Variants in DOCK8 observed in about 807,000 individuals in gnomAD.
DOCK8 encodes the protein dedicator of cytokinesis protein 8.
DOCK8 carries 141 observed loss-of-function variants against 245.6 expected under a neutral mutation model. The ratio of observed to expected loss-of-function variants is 0.57; its 90% confidence interval spans 0.50 to 0.66. DOCK8 has a LOEUF of 0.66. Ranked by LOEUF, DOCK8 falls within the 30% of genes least tolerant of loss-of-function variation. The pLI is 0.00. For missense variants in DOCK8, 2,965 were observed against 2,603.4 expected, an observed-to-expected ratio of 1.14 and a Z score of -3.02; for synonymous variants, 1,168 against 970.2, an observed-to-expected ratio of 1.20 and a Z score of -3.79.
chr9:403,888 C>A (rs1377619310), intron 26 of DOCK8, among the ~76,000 whole-genome samples: 255 of 84,952 alleles, frequency 3.0e-3, no homozygotes, highest in East Asian at 0.016. Flanking sequence ...CTCTCTCTCT[C>A]TCTCTATATA....
intron 23 of DOCK8, among the ~76,000 whole-genome samples, chr9:390,192 C>G (rs998424492): frequency 6.6e-6 from 1 of 152,064 alleles, no homozygotes; most frequent in Non-Finnish European, 1.5e-5. Flanking sequence ...ATGTTTCCCC[C>G]GTAGAATAGA....
chr9:358,918 G>A (rs887329553), intron 14 of DOCK8, among the ~76,000 whole-genome samples: 1 of 152,124 alleles, frequency 6.6e-6, no homozygotes, highest in African/African-American at 2.4e-5. Context: ...GCAATAAAGG[G>A]AATCACAATG....
intron 25 of DOCK8, among the ~76,000 whole-genome samples, chr9:398,922 G>A (rs2054595719): frequency 1.3e-5 from 2 of 152,090 alleles, no homozygotes; most frequent in South Asian, 4.1e-4. Context: ...AAAAGTGACT[G>A]GAAGGAAATG....
At chr9:397,043 T>C in intron 25 of DOCK8, 109 bp downstream of exon 25, 1 of 1,292,912 alleles carries the variant, frequency 7.7e-7, no homozygotes, top group Non-Finnish European at 1.1e-6. Context: ...AAAATATAAC[T>C]GTAATGACAG....
At chr9:211,507 G>A (rs897384633), upstream of DOCK8, among the ~76,000 whole-genome samples, 3 of 152,160 alleles carry the variant, frequency 2.0e-5, no homozygotes, top group Non-Finnish European at 4.4e-5. Flanking sequence ...GCTACAGGCA[G>A]TGAAGCCATT....
chr9:234,266 G>T (rs1213119354), intron 1 of DOCK8, among the ~76,000 whole-genome samples: 1 of 152,184 alleles, frequency 6.6e-6, no homozygotes, highest in Non-Finnish European at 1.5e-5. Context: ...CAAGAGATCA[G>T]CTCTTAGTCT....
rs1330354440 is a variant in DOCK8, at chr9:387,901, A to G, written c.2874+1475A>G. Among the ~76,000 whole-genome samples the G allele has an allele frequency of 3.3e-5, 5 of 152,312 alleles. No individual in the cohort carries two copies. The East Asian group carries it at 5.8e-4, about 18-fold the overall frequency. Reference sequence around the variant, plus strand: ...CGCAGTTGCCATGTTTTGACTTGAAATGACCAGAATAGAGACATTTTATTT... The same window carrying G: ...CGCAGTTGCCATGTTTTGACTTGAAGTGACCAGAATAGAGACATTTTATTT... On this transcript the variant is annotated intron_variant, in intron 23 of 47. Transcript: ENST00000432829.
At chr9:308,506 T>C (rs180953080) in intron 5 of DOCK8, among the ~76,000 whole-genome samples, 46 of 152,376 alleles carry the variant, frequency 3.0e-4, no homozygotes, top group Middle Eastern at 3.4e-3. Flanking sequence ...TGAGGCCACA[T>C]AGCTAGATTT....
At chr9:296,791 A>G (rs1169877508) in intron 4 of DOCK8, among the ~76,000 whole-genome samples, 3 of 152,180 alleles carry the variant, frequency 2.0e-5, no homozygotes, top group Admixed American at 1.3e-4. Context: ...ACAAAGAGCA[A>G]TCCAGCTGTG....
At chr9:422,011 C>T (rs1182973958) in intron 32 of DOCK8, 37 bp from the exon 33 acceptor site, 2 of 1,542,812 alleles carry the variant, frequency 1.3e-6, no homozygotes, top group Non-Finnish European at 1.8e-6. Flanking sequence ...GGGTTTCATG[C>T]TAATCAAATT....
chr9:213,786 G>A (rs2046664352), upstream of DOCK8: 1 of 151,690 alleles, frequency 6.6e-6, no homozygotes, highest in African/African-American at 2.4e-5. Context: ...CTGGAGTGCA[G>A]TGGCAGATCT....
intron 14 of DOCK8, among the ~76,000 whole-genome samples, chr9:361,395 C>T (rs1348126220): frequency 1.3e-5 from 2 of 152,162 alleles, no homozygotes; most frequent in Non-Finnish European, 2.9e-5. Context: ...AAAAGGCACT[C>T]CGTTTGTTCA....
chr9:212,447 C>T (rs138335639), upstream of DOCK8, among the ~76,000 whole-genome samples: 224 of 152,244 alleles, frequency 1.5e-3, 2 homozygotes, highest in African/African-American at 4.8e-3. Flanking sequence ...GGAGGCCTCC[C>T]AGAGTTCTCT....
intron 7 of DOCK8, among the ~76,000 whole-genome samples, chr9:319,353 T>A (rs1208698507): frequency 6.6e-6 from 1 of 152,164 alleles, no homozygotes; most frequent in Non-Finnish European, 1.5e-5. Context: ...TCTAGTGATG[T>A]CCCCGCAACT....
At chr9:291,836 G>T (rs1178308870) in intron 4 of DOCK8, among the ~76,000 whole-genome samples, 1 of 151,202 alleles carries the variant, frequency 6.6e-6, no homozygotes, top group African/African-American at 2.4e-5. Flanking sequence ...GGAGGTTGAG[G>T]TAGGAGGATC....
chr9:344,394 G>A (rs1415320944), intron 14 of DOCK8, among the ~76,000 whole-genome samples: 2 of 152,156 alleles, frequency 1.3e-5, no homozygotes, highest in African/African-American at 2.4e-5. Flanking sequence ...CAGTCCTTGT[G>A]TGCTTTAGGG....
chr9:437,412 A>T (rs2056941005), intron 39 of DOCK8, among the ~76,000 whole-genome samples: 1 of 152,230 alleles, frequency 6.6e-6, no homozygotes, highest in South Asian at 2.1e-4. Context: ...AGTGCATCTT[A>T]CTGATCCTGT....
rs7864089 is a variant in DOCK8, at chr9:267,716, A to G, written c.54-3911A>G. Among the ~76,000 whole-genome samples the G allele has an allele frequency of 1.3e-3, 191 of 152,330 alleles. 1 individual carries two copies. Among genetic ancestry groups the G allele is most frequent in the African/African-American group, 4.4e-3 (181 of 41,590 alleles). ...CTTTATATGCAGGTTTCCATGGGTC[A>G]ACCTAATTTATATTTTTGTCATTTT... On this transcript the variant is annotated intron_variant, in intron 1 of 47. Coordinates refer to ENST00000432829, the MANE Select transcript of DOCK8 (RefSeq NM_203447.4).
chr9:255,395 C>A (rs948600340), intron 1 of DOCK8, among the ~76,000 whole-genome samples: 1 of 152,054 alleles, frequency 6.6e-6, no homozygotes, highest in Non-Finnish European at 1.5e-5. Flanking sequence ...AGGCAGAGCG[C>A]GGTGGCTCAT....
Sources: allele counts gnomAD v4.1 joint callset (sites outside exome capture counted in the v4.1 genomes callset), GRCh38; gene constraint gnomAD v4.1.1; transcripts MANE v1.5; gene names NCBI Gene and HGNC (gene_info 2026-07-23, HGNC 2026-07-21).